Variants in CARNMT1 observed in about 807,000 individuals in gnomAD.
CARNMT1 encodes protein-L-histidine N-pros-methyltransferase CARNMT1.
In CARNMT1, 28 loss-of-function variants were observed where a neutral mutation model predicts 49.6. The ratio of observed to expected loss-of-function variants is 0.56; its 90% CI spans 0.42 to 0.77. The LOEUF (loss-of-function observed/expected upper bound fraction) is 0.77. CARNMT1 is among the 30% of genes least tolerant of loss of function. The pLI is 0.00. For synonymous variants in CARNMT1, 178 were observed against 175.0 expected (o/e 1.02, Z -0.13); for missense variants, 421 against 512.6 (o/e 0.82, Z 1.73).
intron 3 of CARNMT1, among the ~76,000 whole-genome samples, chr9:75,012,407 C>CAA (rs1833720250): frequency 6.6e-6 from 1 of 151,508 alleles, no homozygotes; most frequent in South Asian, 2.1e-4. Flanking sequence ...CTGCCTCAGA[C>CAA]TCCTGAGTAG....
intron 3 of CARNMT1, among the ~76,000 whole-genome samples, chr9:75,009,667 G>C (rs866501464): frequency 2.0e-5 from 3 of 152,188 alleles, no homozygotes; most frequent in Middle Eastern, 6.8e-3. Context: ...AAATGATTCA[G>C]TCAGCACCAC....
At chr9:75,013,783 C>T (rs1242822968) in intron 3 of CARNMT1, among the ~76,000 whole-genome samples, 2 of 151,950 alleles carry the variant, frequency 1.3e-5, no homozygotes, top group East Asian at 3.8e-4. Flanking sequence ...GCAGGAGGAT[C>T]ACTTGAGGCC....
chr9:75,015,285 C>T (rs1464846979), intron 3 of CARNMT1, among the ~76,000 whole-genome samples: 2 of 152,126 alleles, frequency 1.3e-5, no homozygotes, highest in African/African-American at 4.8e-5. Flanking sequence ...TTTCACTTCA[C>T]ATTAGCTGAA....
At chr9:74,984,651 G>A (rs1832775229) in intron 7 of CARNMT1, among the ~76,000 whole-genome samples, 1 of 152,054 alleles carries the variant, frequency 6.6e-6, no homozygotes, top group African/African-American at 2.4e-5. Flanking sequence ...AAACATAAAT[G>A]AATTTCACAT....
chr9:75,020,343 C>G (rs777304652), intron 1 of CARNMT1, among the ~76,000 whole-genome samples: 11 of 146,472 alleles, frequency 7.5e-5, no homozygotes, highest in Middle Eastern at 7.3e-3. Flanking sequence ...TCTCAGCTCA[C>G]TGCAACCTCC....
intron 3 of CARNMT1, among the ~76,000 whole-genome samples, chr9:75,003,812 T>C (rs1833431357): frequency 6.6e-6 from 1 of 152,270 alleles, no homozygotes. Context: ...GAAATATATA[T>C]GTAGAACAGC....
intron 6 of CARNMT1, among the ~76,000 whole-genome samples, chr9:74,988,564 T>TG (rs774879076): frequency 9.9e-5 from 15 of 152,208 alleles, no homozygotes; most frequent in Admixed American, 2.0e-4. Flanking sequence ...TGAGTATGTC[T>TG]GTCCATTTCA....
At chr9:75,001,018 C>T (rs1019670080) in intron 3 of CARNMT1, among the ~76,000 whole-genome samples, 1 of 152,086 alleles carries the variant, frequency 6.6e-6, no homozygotes, top group Non-Finnish European at 1.5e-5. Flanking sequence ...CCAGACCCAC[C>T]GAAACCCCTA....
intron 3 of CARNMT1, chr9:75,010,086 ACT>A (rs1262830918): frequency 6.8e-6 from 1 of 147,270 alleles, no homozygotes; most frequent in Non-Finnish European, 1.5e-5. Context: ...GATAAAAAAA[ACT>A]CTTTCTCTCT....
rs1832739014 is a variant in CARNMT1 at position 74,983,471 on chromosome 9, C to T, written c.*296G>A. The T allele has an allele frequency of 4.4e-6, 1 of 229,076 alleles. No homozygotes were observed. The highest frequency in any genetic ancestry group is 2.3e-5 in the African/African-American group (1 of 44,406). 14.2% of individuals were successfully genotyped at this position (229,076 alleles called of 1,614,324 possible). On this transcript the variant is annotated 3_prime_UTR_variant, in exon 8 of 8. Coordinates refer to ENST00000376834, the MANE Select transcript of CARNMT1 (RefSeq NM_152420.3). Reference sequence around the variant, plus strand: ...TGCAATGGACAGCATCATGAAGACACTGGAGATTAGGTTTTTTTCCTACTG... The same window carrying T: ...TGCAATGGACAGCATCATGAAGACATTGGAGATTAGGTTTTTTTCCTACTG...
intron 3 of CARNMT1, among the ~76,000 whole-genome samples, chr9:75,011,898 T>C (rs1012924524): frequency 5.3e-5 from 8 of 151,998 alleles, no homozygotes; most frequent in Admixed American, 5.2e-4. Flanking sequence ...CAAAATGAAA[T>C]ATGAGTGACA....
At chr9:75,017,479 C>G (rs566894502) in intron 1 of CARNMT1, 31 bp from the exon 2 acceptor site, 42 of 1,586,384 alleles carry the variant, frequency 2.6e-5, no homozygotes, top group Non-Finnish European at 3.5e-5. Flanking sequence ...TTTAAATTCA[C>G]AAAAGAATTC....
intron 6 of CARNMT1, among the ~76,000 whole-genome samples, chr9:74,985,420 G>A (rs1042901763): frequency 3.3e-5 from 5 of 152,226 alleles, no homozygotes; most frequent in African/African-American, 1.2e-4. Flanking sequence ...AACCTAGGTA[G>A]TAAAAGGTGG....
intron 5 of CARNMT1, among the ~76,000 whole-genome samples, chr9:74,997,536 A>G (rs1423951455): frequency 6.6e-6 from 1 of 151,986 alleles, no homozygotes; most frequent in Non-Finnish European, 1.5e-5. Context: ...ATTGCTTACT[A>G]CAGCCTAGCT....
chr9:75,015,742 C>T (rs1833826712), intron 3 of CARNMT1: 2 of 150,560 alleles, frequency 1.3e-5, no homozygotes, highest in African/African-American at 4.9e-5. Context: ...ACCAAGACCA[C>T]ACCACTGCAC....
At chr9:74,986,701 C>A (rs201611735) in intron 6 of CARNMT1, among the ~76,000 whole-genome samples, 2 of 152,178 alleles carry the variant, frequency 1.3e-5, no homozygotes, top group East Asian at 3.8e-4. Flanking sequence ...AAAGCTCCAA[C>A]CCTCCAACTC....
At chr9:75,026,998 A>AT (rs1822547970) in intron 1 of CARNMT1, 1 of 953,192 alleles carries the variant, frequency 1.0e-6, no homozygotes, top group African/African-American at 1.7e-5. Flanking sequence ...GATGAACAAT[A>AT]TAAAAAAACT....
Position 74,983,682 on chromosome 9 carries a change from G to C in CARNMT1, c.*85C>G. Reference sequence around the variant, plus strand: ...CACCACTGATTTGAGGTTGTGTCCTGTCATCACTGATAGTTGATTTTGAGT... The same window carrying C: ...CACCACTGATTTGAGGTTGTGTCCTCTCATCACTGATAGTTGATTTTGAGT... On this transcript the variant is annotated 3_prime_UTR_variant, in exon 8 of 8. Transcript: ENST00000376834. 1.3e-6 allele frequency: 1 copy of C among 743,130 alleles called. No homozygotes were observed. Among genetic ancestry groups the C allele is most frequent in the Non-Finnish European group, 2.3e-6 (1 of 439,830 alleles). 46.0% of individuals were successfully genotyped at this position (743,130 alleles called of 1,614,324 possible). A position where few individuals can be genotyped will look rare whatever the true frequency, so the allele number is the denominator to read the frequency against.
Position 75,028,162 on chromosome 9 carries a change from T to G in CARNMT1, c.80A>C (p.Glu27Ala), listed in dbSNP as rs757069359. 1 of 1,530,482 alleles carries G rather than the reference T, an allele frequency of 6.5e-7. No homozygotes were observed. Among genetic ancestry groups the G allele is most frequent in the Non-Finnish European group, 8.8e-7 (1 of 1,140,482 alleles). The allele number at this position is 1,530,482 out of a possible 1,614,324, so 94.8% of individuals were successfully genotyped here. Residue 27 changes from glutamate to alanine, a missense_variant, in exon 1 of 8, where the codon GAG (glutamate) becomes GCG (alanine). Around this residue, in one of 2 missense-constraint regions of CARNMT1, gnomAD observed 186 missense variants for 167.9 expected, o/e 1.11. Coordinates refer to ENST00000376834, the MANE Select transcript of CARNMT1 (RefSeq NM_152420.3). ...CCCGGCGGAAAACTGCACTTCCACC[T>G]CCTCGCTGCCACCGCCTCCTCCCCC... The part of the protein sequence containing the change: ...GCGGGGGGSE[E>A]VEVQFSAGRW...
Sources: gnomAD v4.1 joint callset for allele counts (sites outside exome capture counted in the v4.1 genomes callset) on GRCh38, gnomAD v4.1.1 for gene constraint, gnomAD v4.1.1 regional missense constraint, MANE v1.5 for transcripts, NCBI Gene and HGNC (gene_info 2026-07-23, HGNC 2026-07-21) for gene names.